Variants in MOCOS observed in about 807,000 individuals in gnomAD.
MOCOS encodes the protein human molybdenum cofactor sulfurase.
A neutral mutation model predicts 83.6 loss-of-function variants in MOCOS; 86 were observed. The ratio of observed to expected loss-of-function variants is 1.03; its 90% confidence interval spans 0.86 to 1.23. The LOEUF is 1.23. MOCOS is among the 50% of genes most tolerant of loss of function. The pLI is 0.00. For synonymous variants in MOCOS, 445 were observed against 434.7 expected (o/e 1.02, Z -0.29); for missense variants, 1,120 against 1,126.9 (o/e 0.99, Z 0.09).
At chr18:36,219,020 C>T (rs2091485541) in intron 8 of MOCOS, among the ~76,000 whole-genome samples, 1 of 150,740 alleles carries the variant, frequency 6.6e-6, no homozygotes, top group South Asian at 2.1e-4. Flanking sequence ...AGGCGCCTGC[C>T]ATCAAGCCCG....
rs187012118 is a variant in MOCOS, at chr18:36,234,742, A to G, written c.1961-14180A>G. 2.3e-3 allele frequency among the ~76,000 whole-genome samples: 356 copies of G among 152,290 alleles called. 2 individuals are homozygous for G. The highest frequency in any genetic ancestry group is 8.2e-3 in the African/African-American group (339 of 41,550). Reference sequence around the variant, plus strand: ...ATACCTGAGACTGGGTAATTTATAAAGGAAAGAGGTTCAATTGACTCACAG... The same window carrying G: ...ATACCTGAGACTGGGTAATTTATAAGGGAAAGAGGTTCAATTGACTCACAG... On this transcript the variant is annotated intron_variant, in intron 9 of 14. Coordinates refer to ENST00000261326, the MANE Select transcript of MOCOS (RefSeq NM_017947.4).
intron 9 of MOCOS, among the ~76,000 whole-genome samples, chr18:36,225,771 T>C (rs1425338630): frequency 6.6e-6 from 1 of 152,082 alleles, no homozygotes; most frequent in Non-Finnish European, 1.5e-5. Flanking sequence ...ATTTTATAAT[T>C]TTTAAAATTT....
chr18:36,230,147 A>ATCTCGGCT (rs1223710745), intron 9 of MOCOS, among the ~76,000 whole-genome samples: 1 of 152,058 alleles, frequency 6.6e-6, no homozygotes, highest in Non-Finnish European at 1.5e-5. Flanking sequence ...CAGTGGCACG[A>ATCTCGGCT]TCTCGGCTTA....
intron 10 of MOCOS, among the ~76,000 whole-genome samples, chr18:36,249,243 A>G (rs558772249): frequency 6.6e-6 from 1 of 152,034 alleles, no homozygotes; most frequent in Admixed American, 6.5e-5. Context: ...TCCCCTAGTT[A>G]TACCTCCACA....
intron 13 of MOCOS, 26 bp downstream of exon 13, chr18:36,260,201 C>T: frequency 6.2e-7 from 1 of 1,613,970 alleles, no homozygotes; most frequent in Non-Finnish European, 8.5e-7. Flanking sequence ...TTCTATTATC[C>T]TTCCTCCAGG....
chr18:36,231,830 TA>T (rs1007085003), intron 9 of MOCOS, among the ~76,000 whole-genome samples: 2 of 152,210 alleles, frequency 1.3e-5, no homozygotes, highest in African/African-American at 4.8e-5. Context: ...GGCTCTTCCA[TA>T]AAAAACTTGC....
intron 11 of MOCOS, 183 bp from the exon 12 acceptor site, chr18:36,256,785 C>T: frequency 1.6e-6 from 1 of 616,752 alleles, no homozygotes; most frequent in Non-Finnish European, 3.0e-6. Flanking sequence ...TCTAGAATCT[C>T]CTTTTGCCTC....
At chr18:36,238,107 G>T (rs1382594405) in intron 9 of MOCOS, among the ~76,000 whole-genome samples, 1 of 146,570 alleles carries the variant, frequency 6.8e-6, no homozygotes, top group Non-Finnish European at 1.5e-5. Flanking sequence ...TTAATTTTTT[G>T]AAGGGTTTTT....
In MOCOS at chr18:36,217,671, G is replaced by A. The variant is rs556825816; in HGVS notation, c.1797+1694G>A. Among the ~76,000 whole-genome samples, 35 of 152,264 alleles carry A rather than the reference G, an allele frequency of 2.3e-4. No individual in the cohort carries two copies. The South Asian group carries it at 6.2e-3, about 27-fold the overall frequency. ...GCAGGAGCAGGAAGCCAGCAGAGAC[G>A]AAATTGGACTAATTCTCTCTGTACT... On this transcript the variant is annotated intron_variant, in intron 8 of 14. Coordinates refer to ENST00000261326, the MANE Select transcript of MOCOS (RefSeq NM_017947.4).
chr18:36,206,677 T>C (rs2091436207), intron 6 of MOCOS, among the ~76,000 whole-genome samples: 1 of 152,180 alleles, frequency 6.6e-6, no homozygotes, highest in Non-Finnish European at 1.5e-5. Context: ...GCCGTGGTTT[T>C]CTTCTTTGTG....
chr18:36,235,778 C>T (rs2091556118), intron 9 of MOCOS, among the ~76,000 whole-genome samples: 1 of 147,524 alleles, frequency 6.8e-6, no homozygotes, highest in Non-Finnish European at 1.5e-5. Context: ...TTCTCCACAT[C>T]CTCTCCAGCA....
chr18:36,224,986 A>T (rs932390381), intron 9 of MOCOS, among the ~76,000 whole-genome samples: 1 of 152,136 alleles, frequency 6.6e-6, no homozygotes, highest in African/African-American at 2.4e-5. Context: ...TAGTTTCGAT[A>T]GATAGTATGT....
intron 4 of MOCOS, among the ~76,000 whole-genome samples, 157 bp from the exon 5 acceptor site, chr18:36,202,956 C>G (rs192758560): frequency 5.9e-5 from 9 of 152,278 alleles, no homozygotes; most frequent in Admixed American, 5.2e-4. Flanking sequence ...TCCCTCAACA[C>G]CTGGGGATTA....
chr18:36,188,768 G>A lies in MOCOS; in HGVS notation c.142+1087G>A, dbSNP rs376689521. On this transcript the variant is annotated intron_variant, in intron 1 of 14. Coordinates refer to ENST00000261326, the MANE Select transcript of MOCOS (RefSeq NM_017947.4). ...CCCTTTGGGGGCTGTGAGAACTGTG[G>A]CCTCCTCCTGTGTGTCTCCTCTGGC... 6.2e-4 allele frequency among the ~76,000 whole-genome samples: 95 copies of A among 152,166 alleles called. 1 individual carries two copies. The highest frequency in any genetic ancestry group is 2.2e-3 in the African/African-American group (92 of 41,540).
intron 1 of MOCOS, among the ~76,000 whole-genome samples, chr18:36,191,035 A>AAAAAAG (rs1321404134): frequency 1.4e-5 from 2 of 140,938 alleles, no homozygotes; most frequent in Non-Finnish European, 3.1e-5. Context: ...AAAAAAAGAA[A>AAAAAAG]AAGAAAAAAA....
At chr18:36,247,105 G>A (rs112684503) in intron 9 of MOCOS, among the ~76,000 whole-genome samples, 1 of 152,162 alleles carries the variant, frequency 6.6e-6, no homozygotes, top group Non-Finnish European at 1.5e-5. Flanking sequence ...GGCTGTTTCT[G>A]CTGTGTCAAA....
In MOCOS at chr18:36,195,315, C is replaced by T; in HGVS notation, c.201C>T (p.Ser67=). Reference sequence around the variant, plus strand: ...TGTTCTCCCAGAGCCAGCTCGAAAGCTTCACTAGTGATCTCATGGAAAACA... The same window carrying T: ...TGTTCTCCCAGAGCCAGCTCGAAAGTTTCACTAGTGATCTCATGGAAAACA... The part of the protein sequence containing the change: ...ATLFSQSQLE[S]FTSDLMENTY... Residue 67 remains serine, a synonymous_variant, in exon 2 of 15, where the codon AGC becomes AGT. Transcript: ENST00000261326. The T allele has an allele frequency of 6.2e-7, 1 of 1,614,154 alleles. No homozygotes were observed. The highest frequency in any genetic ancestry group is 8.5e-7 in the Non-Finnish European group (1 of 1,179,996).
At chr18:36,188,501 G>T (rs562536452) in intron 1 of MOCOS, among the ~76,000 whole-genome samples, 3 of 152,332 alleles carry the variant, frequency 2.0e-5, no homozygotes, top group African/African-American at 7.2e-5. Flanking sequence ...GACTTTGGGT[G>T]CAGGGCTTCA....
At chr18:36,208,934 A>G (rs984514960) in intron 6 of MOCOS, among the ~76,000 whole-genome samples, 1 of 152,162 alleles carries the variant, frequency 6.6e-6, no homozygotes, top group Non-Finnish European at 1.5e-5. Context: ...TAGTTTTGTC[A>G]TAGATGGGTC....
Sources: gnomAD v4.1 joint callset for allele counts (sites outside exome capture counted in the v4.1 genomes callset) on GRCh38, gnomAD v4.1.1 for gene constraint, MANE v1.5 for transcripts, NCBI Gene and HGNC (gene_info 2026-07-23, HGNC 2026-07-21) for gene names.